Variants in KLHL4 observed in about 807,000 individuals in gnomAD.
KLHL4 encodes the protein kelch like family member 4.
KLHL4 carries 17 observed loss-of-function variants against 45.8 expected under a neutral mutation model. The observed-to-expected ratio is 0.37, with a 90% confidence interval of 0.25 to 0.56. The LOEUF (loss-of-function observed/expected upper bound fraction) is 0.56, where lower values mean the gene tolerates loss of function less well. Ranked by LOEUF, KLHL4 falls within the 20% of genes least tolerant of loss-of-function variation. The probability of loss-of-function intolerance (pLI) is 0.79; values close to 1 mark genes in which losing one functional copy is unlikely to be tolerated. For synonymous variants in KLHL4, 224 were observed against 189.9 expected, an observed-to-expected ratio of 1.18 and a Z score of -1.47; for missense variants, 544 against 544.9, an observed-to-expected ratio of 1.00 and a Z score of 0.02.
intron 8 of KLHL4, 58 bp from the exon 9 acceptor site, chrX:87,635,505 T>G: frequency 1.1e-6 from 1 of 893,551 alleles, no homozygotes. Flanking sequence ...TGCATGCATT[T>G]TGTGTGTATA....
chrX:87,586,235 CAA>C (rs747846008), intron 1 of KLHL4, among the ~76,000 whole-genome samples: 1 of 110,858 alleles, frequency 9.0e-6, no homozygotes, highest in African/African-American at 3.3e-5. Flanking sequence ...AGAAAATCAA[CAA>C]AGAAACATGA....
intron 6 of KLHL4, among the ~76,000 whole-genome samples, chrX:87,630,920 G>C (rs1188024895): frequency 9.0e-6 from 1 of 111,551 alleles, no homozygotes; most frequent in African/African-American, 3.3e-5. Context: ...GTGAGATTAA[G>C]AGCAGAAATT....
chrX:87,657,493 C>T (rs1286908117), intron 9 of KLHL4, among the ~76,000 whole-genome samples: 1 of 112,124 alleles, frequency 8.9e-6, no homozygotes, highest in East Asian at 2.8e-4. Flanking sequence ...TATTAATGTA[C>T]AAGGCAGGTG....
intron 1 of KLHL4, among the ~76,000 whole-genome samples, chrX:87,600,484 CAAAA>C (rs148536239): frequency 1.4e-5 from 1 of 69,822 alleles, no homozygotes. Context: ...CTTCGTCTCA[CAAAA>C]AAAAAAAAAA....
chrX:87,571,601 G>T (rs144331325), intron 1 of KLHL4, among the ~76,000 whole-genome samples: 15 of 110,929 alleles, frequency 1.4e-4, no homozygotes, highest in Non-Finnish European at 2.9e-4. Context: ...GATCATGACA[G>T]CAGTAAAAAT....
At chrX:87,557,503 G>A (rs1932003523) in intron 1 of KLHL4, among the ~76,000 whole-genome samples, 1 of 111,483 alleles carries the variant, frequency 9.0e-6, no homozygotes, top group Non-Finnish European at 1.9e-5. Context: ...AAATGAATGG[G>A]AATGAAACAG....
Position 87,625,687 on chromosome X carries a change from G to A in KLHL4, c.1215G>A (p.Lys405=). Residue 405 remains lysine (K), a synonymous_variant, in exon 6 of 11, where the codon AAG becomes AAA. Coordinates refer to ENST00000373119, the MANE Select transcript of KLHL4 (RefSeq NM_019117.5). ...ECQKLLMEAM[K]YHLLPERRSM... Reference sequence around the variant, plus strand: ...AGAAGCTCCTGATGGAAGCTATGAAGTATCATCTTTTGCCTGAGAGAAGAT... The same window carrying A: ...AGAAGCTCCTGATGGAAGCTATGAAATATCATCTTTTGCCTGAGAGAAGAT... 2 of 1,208,899 alleles carry A rather than the reference G, an allele frequency of 1.7e-6. No individual in the cohort carries two copies. The highest frequency in any genetic ancestry group is 3.0e-5 in the East Asian group (1 of 33,787).
At chrX:87,628,286 G>A (rs1452734228) in intron 6 of KLHL4, among the ~76,000 whole-genome samples, 2 of 110,596 alleles carry the variant, frequency 1.8e-5, no homozygotes, top group Non-Finnish European at 3.8e-5. Context: ...CAAATATGAT[G>A]TTCCTTTTTC....
chrX:87,633,297 T>C (rs1047918259), intron 7 of KLHL4, among the ~76,000 whole-genome samples: 2 of 112,136 alleles, frequency 1.8e-5, no homozygotes, highest in Non-Finnish European at 3.8e-5. Flanking sequence ...GTCTGTAAGT[T>C]AGCTCACAGG....
Position 87,635,657 on chromosome X carries a change from A to G in KLHL4, c.1807A>G (p.Met603Val). 8.3e-7 allele frequency: 1 copy of G among 1,210,112 alleles called. No individual in the cohort carries two copies. The highest frequency in any genetic ancestry group is 1.1e-6 in the Non-Finnish European group (1 of 893,861). Residue 603 changes from methionine to valine, a missense_variant, in exon 9 of 11, where the codon ATG becomes GTG. By Grantham distance (21) the Met-to-Val change is conservative. Coordinates refer to ENST00000373119, the MANE Select transcript of KLHL4 (RefSeq NM_019117.5). Reference sequence around the variant, plus strand: ...TAACAAGTGGAGTTTGTGTGCTCCAATGTCCAAAAGACGTGGAGGTGTGGG... The same window carrying G: ...TAACAAGTGGAGTTTGTGTGCTCCAGTGTCCAAAAGACGTGGAGGTGTGGG... Reference protein sequence around the residue: ...HTNKWSLCAPMSKRRGGVGVA... With the variant: ...HTNKWSLCAPVSKRRGGVGVA...
chrX:87,633,922 T>G lies in KLHL4; in HGVS notation c.1712+11T>G. On this transcript the variant is annotated intron_variant, in intron 8 of 10. Transcript: ENST00000373119. ...TGCATTAAACAACAAGTGAGTAAGT[T>G]GAAACACACATGTTCATTGCTCCCA... The G allele has an allele frequency of 8.4e-7, 1 of 1,191,201 alleles. No homozygotes were observed. The highest frequency in any genetic ancestry group is 1.9e-5 in the South Asian group (1 of 53,391).
At chrX:87,519,262 T>C (rs750319619) in intron 1 of KLHL4, among the ~76,000 whole-genome samples, 1 of 112,085 alleles carries the variant, frequency 8.9e-6, no homozygotes, top group East Asian at 2.8e-4. Flanking sequence ...TTATGCATTT[T>C]AGATCATATA....
At chrX:87,593,558 A>G (rs1443880385) in intron 1 of KLHL4, among the ~76,000 whole-genome samples, 4 of 110,922 alleles carry the variant, frequency 3.6e-5, no homozygotes, top group Admixed American at 1.9e-4. Context: ...TATAAGTTTT[A>G]TCTCTTTTGC....
At chrX:87,542,319 A>G (rs1268488100) in intron 1 of KLHL4, among the ~76,000 whole-genome samples, 1 of 111,981 alleles carries the variant, frequency 8.9e-6, no homozygotes, top group East Asian at 2.8e-4. Context: ...CTCAATATTA[A>G]TAGCTAAGAC....
intron 1 of KLHL4, among the ~76,000 whole-genome samples, chrX:87,580,916 C>A (rs2147794785): frequency 8.9e-6 from 1 of 111,961 alleles, no homozygotes; most frequent in African/African-American, 3.2e-5. Context: ...CAGCCACCCC[C>A]ACTCACATGT....
intron 6 of KLHL4, among the ~76,000 whole-genome samples, chrX:87,631,373 T>C (rs1314098566): frequency 9.0e-6 from 1 of 111,492 alleles, no homozygotes; most frequent in Non-Finnish European, 1.9e-5. Context: ...AATAAATGAT[T>C]TGGGGGGCTG....
chrX:87,654,520 TATA>T (rs1243950360), intron 9 of KLHL4, among the ~76,000 whole-genome samples: 1 of 111,545 alleles, frequency 9.0e-6, no homozygotes, highest in Non-Finnish European at 1.9e-5. Flanking sequence ...TTTGTGTGTG[TATA>T]ATAATTTTAA....
At chrX:87,542,973 A>T (rs773692484) in intron 1 of KLHL4, among the ~76,000 whole-genome samples, 1 of 111,315 alleles carries the variant, frequency 9.0e-6, no homozygotes, top group African/African-American at 3.3e-5. Context: ...AGGTGACTTG[A>T]TCATGGGGAC....
chrX:87,589,692 G>A (rs1265658180), intron 1 of KLHL4, among the ~76,000 whole-genome samples: 2 of 111,141 alleles, frequency 1.8e-5, no homozygotes, highest in African/African-American at 6.6e-5. Flanking sequence ...TGGGAAGGGA[G>A]GAATGGTTAA....
Sources: allele counts gnomAD v4.1 joint callset (sites outside exome capture counted in the v4.1 genomes callset), GRCh38; gene constraint gnomAD v4.1.1; transcripts MANE v1.5; gene names NCBI Gene and HGNC (gene_info 2026-07-23, HGNC 2026-07-21).